The following LARGE1 variants were observed in gnomAD, a reference collection of about 807,000 sequenced individuals.
LARGE1 encodes xylosyl- and glucuronyltransferase LARGE1.
In LARGE1, 43 loss-of-function variants were observed where a neutral mutation model predicts 87.6. The ratio of observed to expected loss-of-function variants is 0.49; its 90% confidence interval spans 0.38 to 0.63. The LOEUF is 0.63. Ranked by LOEUF, LARGE1 falls within the 30% of genes least tolerant of loss-of-function variation. The pLI, the probability that LARGE1 is intolerant of heterozygous loss-of-function variation, is 0.00. For synonymous variants in LARGE1, 434 were observed against 394.6 expected (o/e 1.10, Z -1.18); for missense variants, 802 against 1,000.2 (o/e 0.80, Z 2.67).
chr22:33,735,161 T>C (rs966278964), intron 2 of LARGE1, among the ~76,000 whole-genome samples: 11 of 152,226 alleles, frequency 7.2e-5, no homozygotes, highest in Admixed American at 4.6e-4. Flanking sequence ...TGAAAGAAGC[T>C]TTGGCCCTTC....
intron 7 of LARGE1, among the ~76,000 whole-genome samples, chr22:33,420,959 G>A (rs1410573972): frequency 6.6e-6 from 1 of 152,168 alleles, no homozygotes; most frequent in Non-Finnish European, 1.5e-5. Context: ...AGGCCGAGGG[G>A]GGTGAATCAC....
chr22:33,680,028 G>A (rs903307191), intron 2 of LARGE1, among the ~76,000 whole-genome samples: 2 of 152,080 alleles, frequency 1.3e-5, no homozygotes, highest in African/African-American at 4.8e-5. Flanking sequence ...ACTTTATTAC[G>A]GCAGCTGTGG....
At position 33,780,039 on chromosome 22, in the gene LARGE1, G is replaced by A. The variant is rs571833301; in HGVS notation, c.-82-18481C>T. On this transcript the variant is annotated intron_variant, in intron 1 of 14. Transcript: ENST00000397394. ...AACAGGGCACGCTCACTCTCAAGGC[G>A]CTGGGGAAAGATCTGTTCCTGGCCT... Among the ~76,000 whole-genome samples, 55 of 152,160 alleles carry A rather than the reference G, an allele frequency of 3.6e-4. 1 individual carries two copies. The highest frequency in any genetic ancestry group is 6.8e-3 in the Middle Eastern group (2 of 294).
intron 1 of LARGE1, among the ~76,000 whole-genome samples, chr22:33,870,345 TTGTTA>T (rs1321499647): frequency 6.6e-6 from 1 of 152,184 alleles, no homozygotes; most frequent in Non-Finnish European, 1.5e-5. Context: ...GCCATCCAGT[TTGTTA>T]TGGCAGCCTT....
chr22:33,202,060 A>C (rs548501748), intron 11 of LARGE1, among the ~76,000 whole-genome samples: 6 of 151,840 alleles, frequency 4.0e-5, no homozygotes, highest in African/African-American at 1.4e-4. Flanking sequence ...CACTTGAACC[A>C]GGGAGGCGGA....
rs115430444 is a variant in LARGE1, at chr22:33,918,586, C to T, written c.-83+1409G>A. On this transcript the variant is annotated intron_variant, in intron 1 of 14. Coordinates refer to ENST00000397394, the MANE Select transcript of LARGE1 (RefSeq NM_133642.5). ...GTTTTTATTTCTTTTATTTTTACCC[C>T]TAGGGAGGACCAAGCGTGCCAGTGA... 4.0e-3 allele frequency among the ~76,000 whole-genome samples: 606 copies of T among 152,298 alleles called. 2 individuals carry two copies. The highest frequency in any genetic ancestry group is 0.013 in the African/African-American group (550 of 41,566).
chr22:33,770,509 T>C (rs1446893015), intron 1 of LARGE1, among the ~76,000 whole-genome samples: 1 of 151,682 alleles, frequency 6.6e-6, no homozygotes, highest in African/African-American at 2.4e-5. Flanking sequence ...TAGAGAGACC[T>C]ACCAACTCTA....
intron 2 of LARGE1, among the ~76,000 whole-genome samples, chr22:33,684,184 A>C (rs937060287): frequency 6.6e-6 from 1 of 152,130 alleles, no homozygotes; most frequent in Non-Finnish European, 1.5e-5. Context: ...GTGAATGTGG[A>C]ATGTGTTTGG....
chr22:33,678,374 A>T (rs2081644179), intron 2 of LARGE1, among the ~76,000 whole-genome samples: 2 of 152,186 alleles, frequency 1.3e-5, no homozygotes, highest in African/African-American at 4.8e-5. Context: ...ATAGGTTGCT[A>T]ATGGATACCA....
At chr22:33,085,894 G>A in the LARGE1 span, among the ~76,000 whole-genome samples, 1 of 152,152 alleles carries the variant, frequency 6.6e-6, no homozygotes, top group African/African-American at 2.4e-5. Context: ...AGCAAATGGA[G>A]TTAATAATAC....
chr22:33,772,383 C>T (rs1018838024), intron 1 of LARGE1, among the ~76,000 whole-genome samples: 4 of 152,038 alleles, frequency 2.6e-5, no homozygotes, highest in Admixed American at 6.6e-5. Flanking sequence ...TAAATCCAAA[C>T]TCTTTGCTCC....
chr22:33,556,516 A>AAGGGAGGGAGGGAGGGAGGGAGGG (rs1399464851), intron 6 of LARGE1, among the ~76,000 whole-genome samples: 1 of 78,988 alleles, frequency 1.3e-5, no homozygotes, highest in Non-Finnish European at 2.3e-5. Context: ...AGAAGGAAGG[A>AAGGGAGGGAGGGAGGGAGGGAGGG]AGGGAGGGAG....
intron 2 of LARGE1, among the ~76,000 whole-genome samples, chr22:33,687,109 T>A (rs2081968117): frequency 6.6e-6 from 1 of 151,344 alleles, no homozygotes; most frequent in South Asian, 2.1e-4. Context: ...TATTCTTCCC[T>A]CAGATCTTTG....
At chr22:33,607,628 A>T (rs1207294707) in intron 4 of LARGE1, among the ~76,000 whole-genome samples, 3 of 152,130 alleles carry the variant, frequency 2.0e-5, no homozygotes, top group Non-Finnish European at 4.4e-5. Flanking sequence ...AGGACAGGGA[A>T]TACAATGAGA....
At chr22:33,143,130 C>A in the LARGE1 span, among the ~76,000 whole-genome samples, 1 of 152,140 alleles carries the variant, frequency 6.6e-6, no homozygotes, top group Non-Finnish European at 1.5e-5. Context: ...GATGGGTTCA[C>A]AAGGTGATAC....
the LARGE1 span, among the ~76,000 whole-genome samples, chr22:33,134,518 A>G: frequency 2.6e-5 from 4 of 152,144 alleles, no homozygotes; most frequent in African/African-American, 9.7e-5. Context: ...CGGCCTCCCA[A>G]AGTGCTGGGA....
chr22:33,922,727 A>C (rs2065979776), upstream of LARGE1: 1 of 152,190 alleles, frequency 6.6e-6, no homozygotes, highest in Admixed American at 6.5e-5. Flanking sequence ...ATACTATCTA[A>C]TATCCTAGAG....
intron 1 of LARGE1, among the ~76,000 whole-genome samples, chr22:33,797,787 G>A (rs1052600410): frequency 2.6e-5 from 4 of 152,158 alleles, no homozygotes; most frequent in African/African-American, 9.7e-5. Flanking sequence ...TCCCTTACTT[G>A]CAAAATGGTT....
Position 33,915,909 on chromosome 22 carries a change from C to T in LARGE1, c.-83+4086G>A, listed in dbSNP as rs192346465. ...CATGCTGTTCTTTCTGCCTGTGATC[C>T]CCTTCCTCCCTACTCTCCTGGGAAG... is the stretch of plus-strand genomic sequence containing the variant. On this transcript the variant is annotated intron_variant, in intron 1 of 14. Transcript: ENST00000397394. 9.8e-5 allele frequency among the ~76,000 whole-genome samples: 15 copies of T among 152,292 alleles called. No individual in the cohort carries two copies. The East Asian group carries it at 2.1e-3, about 22-fold the overall frequency.
Sources: allele counts gnomAD v4.1 joint callset (sites outside exome capture counted in the v4.1 genomes callset), GRCh38; gene constraint gnomAD v4.1.1; transcripts MANE v1.5; gene names NCBI Gene and HGNC (gene_info 2026-07-23, HGNC 2026-07-21).